Variants in DLGAP2 observed in about 807,000 individuals in gnomAD.
The protein encoded by DLGAP2 is DLG associated protein 2.
DLGAP2 carries 26 observed loss-of-function variants against 100.3 expected under a neutral mutation model. The observed-to-expected ratio is 0.26, with a 90% confidence interval of 0.19 to 0.36. The LOEUF (loss-of-function observed/expected upper bound fraction) is 0.36. DLGAP2 is among the 10% of genes least tolerant of loss of function. DLGAP2 has a pLI of 1.00. For missense variants in DLGAP2, 1,858 were observed against 1,453.2 expected, an observed-to-expected ratio of 1.28 and a Z score of -4.53; for synonymous variants, 886 against 630.1, an observed-to-expected ratio of 1.41 and a Z score of -6.08.
chr8:1,115,514 A>C (rs1371619634), intron 2 of DLGAP2, among the ~76,000 whole-genome samples: 1 of 152,232 alleles, frequency 6.6e-6, no homozygotes, highest in Non-Finnish European at 1.5e-5. Flanking sequence ...TATTGTGAAG[A>C]TTCTGAGTTT....
chr8:1,696,612 C>T (rs977184748), intron 13 of DLGAP2, among the ~76,000 whole-genome samples: 32 of 152,372 alleles, frequency 2.1e-4, no homozygotes, highest in African/African-American at 7.0e-4. Flanking sequence ...AGCCCAGCAG[C>T]GTCACCTGTG....
chr8:1,457,166 G>A (rs554001084), intron 3 of DLGAP2, among the ~76,000 whole-genome samples: 3 of 152,294 alleles, frequency 2.0e-5, no homozygotes, highest in South Asian at 4.1e-4. Context: ...AAATATGTTG[G>A]AGTAGGCCTT....
chr8:1,537,211 G>A (rs1157992922), intron 4 of DLGAP2, among the ~76,000 whole-genome samples: 1 of 152,124 alleles, frequency 6.6e-6, no homozygotes, highest in Non-Finnish European at 1.5e-5. Context: ...GCATATGTGT[G>A]TACAAAAGCA....
At chr8:1,567,532 C>T (rs1004074763) in intron 6 of DLGAP2, among the ~76,000 whole-genome samples, 2 of 152,184 alleles carry the variant, frequency 1.3e-5, no homozygotes, top group Admixed American at 6.5e-5. Flanking sequence ...GAATTACGAA[C>T]GGCGTTTTCC....
At chr8:994,955 G>A (rs1230988491) in intron 2 of DLGAP2, among the ~76,000 whole-genome samples, 1 of 152,172 alleles carries the variant, frequency 6.6e-6, no homozygotes, top group Non-Finnish European at 1.5e-5. Flanking sequence ...CATCACGGGG[G>A]CAGGGCACAT....
intron 6 of DLGAP2, among the ~76,000 whole-genome samples, chr8:1,598,378 T>C (rs1796523746): frequency 6.6e-6 from 1 of 152,238 alleles, no homozygotes; most frequent in Non-Finnish European, 1.5e-5. Flanking sequence ...GCTGGCCTCA[T>C]AAAATGAGTT....
chr8:1,213,411 A>G (rs1025069679), intron 2 of DLGAP2, among the ~76,000 whole-genome samples: 20 of 152,218 alleles, frequency 1.3e-4, no homozygotes, highest in African/African-American at 4.6e-4. Context: ...ATTTATGGCA[A>G]TAAATATTGA....
chr8:1,162,465 C>G (rs1232776684), intron 2 of DLGAP2, among the ~76,000 whole-genome samples: 1 of 152,142 alleles, frequency 6.6e-6, no homozygotes, highest in Non-Finnish European at 1.5e-5. Context: ...GAGAAATATG[C>G]AACTCACTGC....
At chr8:1,311,300 G>C (rs1025908397) in intron 3 of DLGAP2, among the ~76,000 whole-genome samples, 10 of 152,116 alleles carry the variant, frequency 6.6e-5, no homozygotes, top group Non-Finnish European at 1.2e-4. Context: ...TAAATCCTTG[G>C]AAAGAAATAT....
chr8:1,447,415 C>A (rs1007179473), intron 3 of DLGAP2, among the ~76,000 whole-genome samples: 2 of 152,206 alleles, frequency 1.3e-5, no homozygotes, highest in Admixed American at 1.3e-4. Flanking sequence ...TTGAACCATC[C>A]TTGCATCCCA....
At chr8:1,133,634 G>C (rs528408262) in intron 2 of DLGAP2, among the ~76,000 whole-genome samples, 1 of 152,224 alleles carries the variant, frequency 6.6e-6, no homozygotes, top group African/African-American at 2.4e-5. Context: ...ATATTATTCA[G>C]ATTTTATTAC....
intron 2 of DLGAP2, among the ~76,000 whole-genome samples, chr8:1,209,400 A>G (rs1008018350): frequency 2.0e-5 from 3 of 152,160 alleles, no homozygotes; most frequent in African/African-American, 4.8e-5. Context: ...CCTTCCCTAC[A>G]TTTTAAATTC....
chr8:1,658,822 C>G (rs563509494), intron 8 of DLGAP2, among the ~76,000 whole-genome samples: 1 of 152,216 alleles, frequency 6.6e-6, no homozygotes, highest in African/African-American at 2.4e-5. Flanking sequence ...TTTTGTGTCT[C>G]TATCTCCTTC....
intron 2 of DLGAP2, among the ~76,000 whole-genome samples, chr8:1,052,051 C>G (rs1328761692): frequency 6.6e-6 from 1 of 152,168 alleles, no homozygotes; most frequent in Non-Finnish European, 1.5e-5. Flanking sequence ...CTCAACACGC[C>G]TGCCGCCAGC....
chr8:807,109 G>T (rs1481034865), intron 1 of DLGAP2, among the ~76,000 whole-genome samples: 1 of 152,220 alleles, frequency 6.6e-6, no homozygotes, highest in Non-Finnish European at 1.5e-5. Context: ...TGTATTTAGG[G>T]TTTTAACTTG....
intron 2 of DLGAP2, among the ~76,000 whole-genome samples, chr8:1,193,462 A>G (rs1456000949): frequency 2.6e-5 from 4 of 152,168 alleles, no homozygotes; most frequent in African/African-American, 9.7e-5. Context: ...TTGGCTACAT[A>G]AATGTCTTCT....
intron 3 of DLGAP2, among the ~76,000 whole-genome samples, chr8:1,344,066 G>A (rs1476240341): frequency 1.3e-5 from 2 of 151,858 alleles, no homozygotes; most frequent in South Asian, 2.1e-4. Flanking sequence ...CAGTAATGGA[G>A]TAATGCCTGC....
At chr8:1,092,878 A>G (rs1044987449) in intron 2 of DLGAP2, among the ~76,000 whole-genome samples, 1 of 152,170 alleles carries the variant, frequency 6.6e-6, no homozygotes, top group Non-Finnish European at 1.5e-5. Flanking sequence ...TTCAGCCCAG[A>G]TCAGCCACTT....
intron 2 of DLGAP2, among the ~76,000 whole-genome samples, chr8:994,816 A>C (rs1800741264): frequency 6.6e-6 from 1 of 152,192 alleles, no homozygotes; most frequent in South Asian, 2.1e-4. Context: ...GTTCCATATC[A>C]CAGCAGACGA....
Sources: allele counts gnomAD v4.1 joint callset (sites outside exome capture counted in the v4.1 genomes callset), GRCh38; gene constraint gnomAD v4.1.1; transcripts MANE v1.5; gene names NCBI Gene and HGNC (gene_info 2026-07-23, HGNC 2026-07-21).